Variants in PPP2R5C observed in about 807,000 individuals in gnomAD.
PPP2R5C encodes the protein serine/threonine-protein phosphatase 2A 56 kDa regulatory subunit gamma isoform.
In PPP2R5C, 7 loss-of-function variants were observed where a neutral mutation model predicts 68.9. The ratio of observed to expected loss-of-function variants is 0.10; its 90% CI spans 0.06 to 0.19. The LOEUF is 0.19. Among genes scored for constraint, PPP2R5C ranks in the 10% least tolerant of loss-of-function variants. PPP2R5C has a pLI of 1.00. For synonymous variants in PPP2R5C, 210 were observed against 222.2 expected, an observed-to-expected ratio of 0.95 and a Z score of 0.49; for missense variants, 348 against 641.3, an observed-to-expected ratio of 0.54 and a Z score of 4.94.
At chr14:101,864,918 G>A (rs983900783) in intron 2 of PPP2R5C, among the ~76,000 whole-genome samples, 1 of 152,192 alleles carries the variant, frequency 6.6e-6, no homozygotes, top group African/African-American at 2.4e-5. Context: ...GAAGGGACCA[G>A]CTCAACATCT....
intron 1 of PPP2R5C, chr14:101,824,025 A>T (rs1000378600): frequency 1.6e-6 from 2 of 1,289,076 alleles, no homozygotes; most frequent in Non-Finnish European, 2.0e-6. Flanking sequence ...CACAGTGCCC[A>T]CTTGTTCCGT....
At chr14:101,821,697 T>C (rs199528156) in intron 1 of PPP2R5C, among the ~76,000 whole-genome samples, 151 of 152,242 alleles carry the variant, frequency 9.9e-4, no homozygotes, top group Non-Finnish European at 1.8e-3. Flanking sequence ...ATACGTTACG[T>C]AAATGCTTAA....
intron 2 of PPP2R5C, among the ~76,000 whole-genome samples, chr14:101,878,396 G>A (rs950756303): frequency 6.6e-6 from 1 of 152,256 alleles, no homozygotes; most frequent in African/African-American, 2.4e-5. Flanking sequence ...GATTCAGTGA[G>A]TGTGCAGGTG....
chr14:101,869,006 G>C (rs2043243303), intron 2 of PPP2R5C, among the ~76,000 whole-genome samples: 1 of 152,106 alleles, frequency 6.6e-6, no homozygotes, highest in African/African-American at 2.4e-5. Context: ...TCCGCCTCCT[G>C]TGTTCAAGTG....
intron 2 of PPP2R5C, among the ~76,000 whole-genome samples, chr14:101,768,749 C>T (rs1387759615): frequency 2.0e-5 from 3 of 152,092 alleles, no homozygotes; most frequent in Admixed American, 6.6e-5. Flanking sequence ...AGGGACACAC[C>T]CCAGACCACA....
rs959183870 is a variant in PPP2R5C, at chr14:101,838,737, T to C, written c.95-17949T>C. ...TGAGGGTTGTGTTGTCCTTTCTTCT[T>C]GGTTGTATAAATCTTCACTATTTTG... On this transcript the variant is annotated intron_variant, in intron 1 of 13. Transcript: ENST00000334743. Among the ~76,000 whole-genome samples the C allele has an allele frequency of 3.3e-5, 5 of 152,350 alleles. No homozygotes were observed. In the East Asian group the frequency reaches 9.6e-4, roughly 29 times the overall value.
rs115288893 is a variant in PPP2R5C, at chr14:101,828,457, T to G, written c.94+18421T>G. The stretch of plus-strand genomic sequence containing the variant: ...TGATATAATGATATATAAGAAGACC[T>G]GAAGGTGTAGGGGGAGTGTCGTATT... On this transcript the variant is annotated intron_variant, in intron 1 of 13. Coordinates refer to ENST00000334743, the Ensembl canonical transcript of PPP2R5C. Among the ~76,000 whole-genome samples the G allele has an allele frequency of 9.9e-3, 1,506 of 152,186 alleles. 29 individuals carry two copies. The highest frequency in any genetic ancestry group is 0.034 in the African/African-American group (1,418 of 41,498).
At chr14:101,832,196 G>A (rs1008624090) in intron 1 of PPP2R5C, among the ~76,000 whole-genome samples, 1 of 152,212 alleles carries the variant, frequency 6.6e-6, no homozygotes, top group Admixed American at 6.5e-5. Context: ...AATCTACAGT[G>A]TAGGCCAAAT....
chr14:101,890,386 C>A, intron 6 of PPP2R5C, 90 bp downstream of exon 8: 1 of 1,274,994 alleles, frequency 7.8e-7, no homozygotes, highest in Non-Finnish European at 1.1e-6. Context: ...CGCTTTAAAG[C>A]AAGGCAGTTT....
chr14:101,863,521 A>G (rs2042878479), intron 2 of PPP2R5C, among the ~76,000 whole-genome samples: 1 of 152,220 alleles, frequency 6.6e-6, no homozygotes. Context: ...TAGGGGCCTA[A>G]GACCAAAAAG....
At chr14:101,925,443 G>A in exon 14 of PPP2R5C, 4 of 1,214,842 alleles carry the variant, frequency 3.3e-6, no homozygotes, top group Non-Finnish European at 4.4e-6. Context: ...TCAAACAATG[G>A]TGACTTCCCA....
intron 12 of PPP2R5C, chr14:101,914,205 C>T (rs552908464): frequency 1.5e-5 from 7 of 456,064 alleles, no homozygotes; most frequent in South Asian, 6.2e-5. Flanking sequence ...GGAGCTTTGA[C>T]GAACTGTGAT....
Position 101,899,638 on chromosome 14 carries a change from A to G in PPP2R5C, c.853-2081A>G, listed in dbSNP as rs1323335836. On this transcript the variant is annotated intron_variant, in intron 8 of 13. Transcript: ENST00000334743. This position sits in a 1 kb window ranked among gnomAD's most constrained non-coding sequence, Gnocchi z 4.2. ...TGTGTTGTATAGTTCACAAATTAAC[A>G]TATTTCTCCTAATAAAATTCCATTT... Among the ~76,000 whole-genome samples, 2 of 152,352 alleles carry G rather than the reference A, an allele frequency of 1.3e-5. No individual in the cohort carries two copies. Among genetic ancestry groups the G allele is most frequent in the East Asian group, 3.9e-4 (2 of 5,190 alleles).
chr14:101,833,220 C>T (rs766412463), intron 1 of PPP2R5C, among the ~76,000 whole-genome samples: 3 of 152,220 alleles, frequency 2.0e-5, no homozygotes, highest in Admixed American at 6.5e-5. Context: ...AAAACATGGG[C>T]GCCTAGGTCC....
chr14:101,840,618 A>G (rs1183447047), intron 1 of PPP2R5C, among the ~76,000 whole-genome samples: 1 of 152,110 alleles, frequency 6.6e-6, no homozygotes, highest in Non-Finnish European at 1.5e-5. Flanking sequence ...GAACTCACCA[A>G]ACAGATTGGC....
chr14:101,911,899 C>A (rs2046413433), intron 11 of PPP2R5C, among the ~76,000 whole-genome samples: 2 of 149,354 alleles, frequency 1.3e-5, no homozygotes, highest in Admixed American at 1.3e-4. Context: ...AAAAAAAAAA[C>A]TTGGATCTGA....
At chr14:101,760,605 G>A (rs2036444581), upstream of PPP2R5C, 5 of 760,826 alleles carry the variant, frequency 6.6e-6, no homozygotes, top group South Asian at 2.4e-4. Flanking sequence ...AACCAGGAAA[G>A]GACGGGACTG....
rs1474357283 is a variant in PPP2R5C at position 101,916,705 on chromosome 14, G to T, written c.1327-1126G>T. Reference sequence around the variant, plus strand: ...GGGCTGGCAGGGTGTGAGGGGCAGGGGTGAGGGGGCAGGGGGTGAGAGGCA... The same window carrying T: ...GGGCTGGCAGGGTGTGAGGGGCAGGTGTGAGGGGGCAGGGGGTGAGAGGCA... On this transcript the variant is annotated intron_variant, in intron 12 of 13. Coordinates refer to ENST00000334743, the Ensembl canonical transcript of PPP2R5C. The surrounding 1 kb of genome is among the most constrained non-coding windows in gnomAD (Gnocchi z 5.5). 6.6e-6 allele frequency among the ~76,000 whole-genome samples: 1 copy of T among 151,700 alleles called. No homozygotes were observed. Among genetic ancestry groups the T allele is most frequent in the Non-Finnish European group, 1.5e-5 (1 of 67,894 alleles).
At chr14:101,761,373 TC>T (rs2139896065), upstream of PPP2R5C, among the ~76,000 whole-genome samples, 1 of 151,584 alleles carries the variant, frequency 6.6e-6, no homozygotes, top group East Asian at 2.0e-4. Context: ...ACATGCTCCC[TC>T]CCCTGAGTCG....
Sources: gnomAD v4.1 joint callset for allele counts (sites outside exome capture counted in the v4.1 genomes callset) on GRCh38, gnomAD v4.1.1 for gene constraint, Gnocchi (gnomAD v3.1) non-coding constraint, MANE v1.5 for transcripts, NCBI Gene and HGNC (gene_info 2026-07-23, HGNC 2026-07-21) for gene names.